POFUT4: variants seen among roughly 807,000 people sequenced by gnomAD.
The protein encoded by POFUT4 is GDP-fucose protein O-fucosyltransferase 4.
the POFUT4 span, chr10:73,772,690 G>T: frequency 1.3e-6 from 2 of 1,566,678 alleles, no homozygotes; most frequent in East Asian, 2.4e-5. Flanking sequence ...GGACGCGCGC[G>T]CTGCTCTTCT....
At chr10:73,772,906 C>A in the POFUT4 span, 1 of 1,611,446 alleles carries the variant, frequency 6.2e-7, no homozygotes, top group Non-Finnish European at 8.5e-7. Flanking sequence ...CCTATCTGCG[C>A]CGCCCGGTGC....
At chr10:73,772,959 C>A in the POFUT4 span, 2 of 1,605,382 alleles carry the variant, frequency 1.2e-6, no homozygotes, top group African/African-American at 1.3e-5. Context: ...CGCGGCTACG[C>A]GCCGCTGCTC....
the POFUT4 span, chr10:73,772,746 C>G: frequency 6.2e-7 from 1 of 1,600,612 alleles, no homozygotes; most frequent in East Asian, 2.3e-5. Context: ...CCGCGCCTGG[C>G]GCACCAGAGC....
the POFUT4 span, chr10:73,775,516 T>G: frequency 1.1e-5 from 18 of 1,614,230 alleles, no homozygotes; most frequent in Non-Finnish European, 1.5e-5. Context: ...AGTTCCATAA[T>G]CCAACCCCCA....
chr10:73,775,680 C>T, the POFUT4 span: 1 of 1,614,174 alleles, frequency 6.2e-7, no homozygotes, highest in African/African-American at 1.3e-5. Context: ...GAGGCAACAT[C>T]TCTAAGTGCC....
the POFUT4 span, among the ~76,000 whole-genome samples, chr10:73,778,209 A>C: frequency 6.8e-6 from 1 of 146,638 alleles, no homozygotes; most frequent in Middle Eastern, 3.3e-3. Context: ...GAGGAGGTTT[A>C]AGCCACAAGT....
At chr10:73,772,923 C>T in the POFUT4 span, 1 of 1,610,330 alleles carries the variant, frequency 6.2e-7, no homozygotes, top group Non-Finnish European at 8.5e-7. Flanking sequence ...GTGCCTCCGC[C>T]CATGGAACGC....
chr10:73,772,578 G>T, the POFUT4 span: 1 of 1,589,074 alleles, frequency 6.3e-7, no homozygotes, highest in Non-Finnish European at 8.6e-7. Context: ...CTGTGGTGGA[G>T]CCCAGGGCTA....
At chr10:73,778,152 C>T in the POFUT4 span, among the ~76,000 whole-genome samples, 4 of 151,130 alleles carry the variant, frequency 2.6e-5, no homozygotes, top group Non-Finnish European at 3.0e-5. Flanking sequence ...GAGTGAGCCC[C>T]GTGCCCAGCC....
At chr10:73,778,227 T>C in the POFUT4 span, among the ~76,000 whole-genome samples, 2 of 147,542 alleles carry the variant, frequency 1.4e-5, no homozygotes, top group South Asian at 4.6e-4. Flanking sequence ...AGTGGCTGGC[T>C]AAATAAAAGC....
the POFUT4 span, chr10:73,772,685 C>T: frequency 6.4e-7 from 1 of 1,562,834 alleles, no homozygotes; most frequent in Non-Finnish European, 8.7e-7. Context: ...CTCGCGGACG[C>T]GCGCGCTGCT....
At chr10:73,775,723 G>C in the POFUT4 span, 1 of 1,608,570 alleles carries the variant, frequency 6.2e-7, no homozygotes, top group South Asian at 1.1e-5. Flanking sequence ...CGGAGCTAAG[G>C]AGATCTTATT....
At chr10:73,775,233 A>G in the POFUT4 span, 1 of 608,014 alleles carries the variant, frequency 1.6e-6, no homozygotes, top group Non-Finnish European at 2.9e-6. Context: ...CCTTATGGAG[A>G]CTGCCACTTC....
the POFUT4 span, chr10:73,772,449 C>T: frequency 1.0e-5 from 16 of 1,562,038 alleles, no homozygotes; most frequent in Admixed American, 7.5e-5. Context: ...GCGGAGTGGG[C>T]GGAACCGTGG....
chr10:73,775,206 C>A, the POFUT4 span: 1 of 584,622 alleles, frequency 1.7e-6, no homozygotes, highest in Non-Finnish European at 3.1e-6. Flanking sequence ...ATCTAAAGAC[C>A]CCTGCCCCCT....
chr10:73,772,784 C>T, the POFUT4 span: 4 of 1,610,760 alleles, frequency 2.5e-6, no homozygotes, highest in Admixed American at 1.7e-5. Flanking sequence ...GGAGTCGCCC[C>T]TCAACAACTT....
At chr10:73,772,819 C>G in the POFUT4 span, 2 of 1,611,986 alleles carry the variant, frequency 1.2e-6, no homozygotes, top group Non-Finnish European at 8.5e-7. Context: ...GCCCGGGCAT[C>G]CGCCTCTTCA....
the POFUT4 span, chr10:73,773,220 C>T: frequency 3.7e-6 from 6 of 1,612,718 alleles, no homozygotes; most frequent in Admixed American, 1.0e-4. Flanking sequence ...CCTGCAGAAT[C>T]GGGAGCTGCC....
chr10:73,776,841 A>G, the POFUT4 span, among the ~76,000 whole-genome samples: 1 of 152,110 alleles, frequency 6.6e-6, no homozygotes, highest in South Asian at 2.1e-4. Context: ...CACCACGCCC[A>G]GCTAATTTTT....
Sources: gnomAD v4.1 joint callset for allele counts (sites outside exome capture counted in the v4.1 genomes callset) on GRCh38, gnomAD v4.1.1 for gene constraint, MANE v1.5 for transcripts, NCBI Gene and HGNC (gene_info 2026-07-23, HGNC 2026-07-21) for gene names.